EPHA3: variants seen among roughly 807,000 people sequenced by gnomAD.
EPHA3 encodes ephrin type-A receptor 3.
Under a neutral mutation model 107.1 loss-of-function variants are expected in EPHA3, and 42 were observed. The observed-to-expected ratio is 0.39, with a 90% confidence interval of 0.31 to 0.51. The LOEUF is 0.51. EPHA3 is among the 20% of genes least tolerant of loss of function. The pLI, the probability that EPHA3 is intolerant of heterozygous loss-of-function variation, is 0.78. For synonymous variants in EPHA3, 461 were observed against 424.8 expected (o/e 1.09, Z -1.05); for missense variants, 1,183 against 1,211.2 (o/e 0.98, Z 0.35).
At chr3:89,389,451 A>C (rs1441013908) in intron 5 of EPHA3, among the ~76,000 whole-genome samples, 2 of 152,234 alleles carry the variant, frequency 1.3e-5, no homozygotes, top group African/African-American at 2.4e-5. Context: ...CACTTAGAAA[A>C]GAAATCCTGA....
chr3:89,363,571 G>A (rs1381660076), intron 5 of EPHA3, among the ~76,000 whole-genome samples: 3 of 150,738 alleles, frequency 2.0e-5, no homozygotes, highest in African/African-American at 7.3e-5. Context: ...AATATCATCT[G>A]AAAAACACCT....
chr3:89,259,556 G>A (rs1705367458), intron 3 of EPHA3, among the ~76,000 whole-genome samples: 1 of 152,164 alleles, frequency 6.6e-6, no homozygotes, highest in Non-Finnish European at 1.5e-5. Context: ...TTTAAAAAAG[G>A]TAAATTGTAT....
Position 89,275,115 on chromosome 3 carries a change from C to T in EPHA3, c.814+64595C>T, listed in dbSNP as rs190945676. On this transcript the variant is annotated intron_variant, in intron 3 of 16. Coordinates refer to ENST00000336596, the MANE Select transcript of EPHA3 (RefSeq NM_005233.6). ...GTTTAATTAAAATTGAAGTTCAAGG[C>T]TGAGTGATTCCAAAGTCCATAATTT... Among the ~76,000 whole-genome samples, 32 of 152,060 alleles carry T rather than the reference C, an allele frequency of 2.1e-4. 1 individual carries two copies. Among genetic ancestry groups the T allele is most frequent in the African/African-American group, 7.2e-4 (30 of 41,516 alleles).
intron 15 of EPHA3, among the ~76,000 whole-genome samples, chr3:89,471,727 CTGTG>C (rs762325101): frequency 1.4e-4 from 21 of 150,870 alleles, no homozygotes; most frequent in Middle Eastern, 3.5e-3. Context: ...CTCTGAGTCT[CTGTG>C]TGTGTGTGTG....
intron 5 of EPHA3, among the ~76,000 whole-genome samples, chr3:89,381,525 C>A (rs1320064938): frequency 6.6e-6 from 1 of 151,838 alleles, no homozygotes; most frequent in Non-Finnish European, 1.5e-5. Context: ...AAAAATTAGC[C>A]CGGCATGGTG....
At chr3:89,360,836 G>A (rs1196340107) in intron 5 of EPHA3, among the ~76,000 whole-genome samples, 1 of 150,964 alleles carries the variant, frequency 6.6e-6, no homozygotes, top group Non-Finnish European at 1.5e-5. Flanking sequence ...CAAATTTCCT[G>A]TGTAATTTCA....
At chr3:89,333,130 G>A (rs1707323995) in intron 3 of EPHA3, among the ~76,000 whole-genome samples, 1 of 152,144 alleles carries the variant, frequency 6.6e-6, no homozygotes, top group African/African-American at 2.4e-5. Flanking sequence ...ATGAGGCCAA[G>A]ATTCTATCTG....
chr3:89,413,852 A>G (rs1461911808), intron 10 of EPHA3, among the ~76,000 whole-genome samples: 1 of 151,738 alleles, frequency 6.6e-6, no homozygotes, highest in Non-Finnish European at 1.5e-5. Flanking sequence ...TTTGTTAACA[A>G]TCACCTATTA....
At chr3:89,378,261 T>TA (rs1186709152) in intron 5 of EPHA3, among the ~76,000 whole-genome samples, 2 of 152,128 alleles carry the variant, frequency 1.3e-5, no homozygotes, top group East Asian at 1.9e-4. Flanking sequence ...TAAAGTATAA[T>TA]AAAAAATTTT....
chr3:89,294,097 T>TG lies in EPHA3; in HGVS notation c.815-46816dup, dbSNP rs1424711443. Among the ~76,000 whole-genome samples, 3 of 152,164 alleles carry TG rather than the reference T, an allele frequency of 2.0e-5. No individual in the cohort carries two copies. The East Asian group carries it at 5.8e-4, about 29-fold the overall frequency. On this transcript the variant is annotated intron_variant, in intron 3 of 16. Transcript: ENST00000336596. ...AGGGTAAGATTTGTCCCATTGGCCA[T>TG]GGGTAGGTTGCCAACTTTTCTCCTA... is the stretch of plus-strand genomic sequence containing the variant.
At chr3:89,430,594 G>T (rs925478807) in intron 12 of EPHA3, among the ~76,000 whole-genome samples, 19 of 152,216 alleles carry the variant, frequency 1.2e-4, no homozygotes, top group Non-Finnish European at 2.2e-4. Context: ...TGGATTATGT[G>T]ATTTAGTTTC....
intron 3 of EPHA3, among the ~76,000 whole-genome samples, chr3:89,226,765 A>G (rs1054395296): frequency 1.3e-5 from 2 of 152,112 alleles, no homozygotes; most frequent in African/African-American, 4.8e-5. Flanking sequence ...TTGCTGTGAC[A>G]GTATTTTTTT....
intron 3 of EPHA3, among the ~76,000 whole-genome samples, chr3:89,327,664 A>G (rs896857743): frequency 6.6e-6 from 1 of 152,136 alleles, no homozygotes; most frequent in Non-Finnish European, 1.5e-5. Flanking sequence ...GGGGGACAGT[A>G]TGGAAAGTTT....
chr3:89,201,041 T>A (rs1291694693), intron 2 of EPHA3, among the ~76,000 whole-genome samples: 5 of 152,104 alleles, frequency 3.3e-5, no homozygotes, highest in Non-Finnish European at 5.9e-5. Context: ...ACTGGGTGAT[T>A]TAAAAAGAAA....
rs751208279 is a variant in EPHA3 at position 89,407,353 on chromosome 3, T to C, written c.1679T>C (p.Ile560Thr). 10 of 1,613,320 alleles carry C rather than the reference T, an allele frequency of 6.2e-6. No individual in the cohort carries two copies. The highest frequency in any genetic ancestry group is 8.5e-6 in the Non-Finnish European group (10 of 1,179,528). ...AVAIILLTVV[I>T]YVLIGRFCGY... ...GCAATTATTCTCCTCACTGTTGTCA[T>C]CTATGTTTTGATTGGGAGGTGAGTT... The change falls in exon 8 of 17, where the codon ATC becomes ACC. Residue 560 changes from isoleucine (I) to threonine (T), a missense_variant. By Grantham distance (89) the Ile-to-Thr change is moderately conservative (BLOSUM62 -1). Transcript: ENST00000336596.
At chr3:89,439,363 T>A (rs1709737405) in intron 13 of EPHA3, among the ~76,000 whole-genome samples, 1 of 152,018 alleles carries the variant, frequency 6.6e-6, no homozygotes, top group Non-Finnish European at 1.5e-5. Context: ...GAGGCTGACG[T>A]GGGAGGGTCG....
chr3:89,165,792 C>T (rs1182544821), intron 2 of EPHA3, among the ~76,000 whole-genome samples: 12 of 152,188 alleles, frequency 7.9e-5, no homozygotes, highest in Non-Finnish European at 1.6e-4. Flanking sequence ...ATGATAAAGG[C>T]CCCTGCCGTT....
intron 2 of EPHA3, among the ~76,000 whole-genome samples, chr3:89,209,288 A>T (rs1468740299): frequency 6.6e-6 from 1 of 152,186 alleles, no homozygotes; most frequent in African/African-American, 2.4e-5. Flanking sequence ...TGGGGTGAGG[A>T]ACATTTCTAT....
Position 89,112,866 on chromosome 3 carries a change from C to T in EPHA3, c.88+5030C>T, listed in dbSNP as rs532270277. ...GGGAAACGTGTATTTCTTGGAAGAA[C>T]ATTAAGTTTTACAAGTTATTTTCTG... On this transcript the variant is annotated intron_variant, in intron 1 of 16. Transcript: ENST00000336596. Among the ~76,000 whole-genome samples, 6 of 151,758 alleles carry T rather than the reference C, an allele frequency of 4.0e-5. No individual in the cohort carries two copies. The South Asian group carries it at 6.2e-4, about 16-fold the overall frequency.
Sources: allele counts gnomAD v4.1 joint callset (sites outside exome capture counted in the v4.1 genomes callset), GRCh38; gene constraint gnomAD v4.1.1; transcripts MANE v1.5; gene names NCBI Gene and HGNC (gene_info 2026-07-23, HGNC 2026-07-21).